The following AGAP3 variants were observed in gnomAD, a reference collection of about 807,000 sequenced individuals.
The protein encoded by AGAP3 is ArfGAP with GTPase domain, ankyrin repeat and PH domain 3.
A neutral mutation model predicts 96.9 loss-of-function variants in AGAP3; 24 were observed. The observed-to-expected ratio is 0.25, with a 90% CI of 0.18 to 0.35. The LOEUF (loss-of-function observed/expected upper bound fraction) is 0.35, where lower values mean the gene tolerates loss of function less well. AGAP3 is among the 10% of genes least tolerant of loss of function. AGAP3 has a pLI of 1.00. For missense variants in AGAP3, 876 were observed against 1,254.2 expected (o/e 0.70, Z 4.55); for synonymous variants, 563 against 536.1 (o/e 1.05, Z -0.69).
intron 10 of AGAP3, among the ~76,000 whole-genome samples, chr7:151,128,970 G>A (rs1203945671): frequency 6.6e-6 from 1 of 152,212 alleles, no homozygotes; most frequent in Non-Finnish European, 1.5e-5. Flanking sequence ...CAGGGATGCC[G>A]ATGTTGCCCA....
chr7:151,094,730 G>A (rs1798530591), intron 1 of AGAP3, among the ~76,000 whole-genome samples: 1 of 151,826 alleles, frequency 6.6e-6, no homozygotes, highest in Non-Finnish European at 1.5e-5. Context: ...GCCCAGGCTG[G>A]CTGTAAACTC....
At chr7:151,107,069 G>C (rs1289501041) in intron 1 of AGAP3, among the ~76,000 whole-genome samples, 6 of 152,108 alleles carry the variant, frequency 3.9e-5, no homozygotes, top group Non-Finnish European at 5.9e-5. Context: ...CAGCACTTTG[G>C]GGGGCCAAGG....
chr7:151,122,083 G>A (rs938117154), intron 8 of AGAP3, among the ~76,000 whole-genome samples: 2 of 152,182 alleles, frequency 1.3e-5, no homozygotes, highest in Admixed American at 6.5e-5. Context: ...TCTGGTGGTC[G>A]GGGCCTCTTG....
At position 151,096,580 on chromosome 7, in the gene AGAP3, C is replaced by T. The variant is rs964011497; in HGVS notation, c.331+9508C>T. ...CTCTGCCTCCCAGGTTCACGCCATT[C>T]TCCTGCCACAGCCTCCCGAGTAGCT... is the stretch of plus-strand genomic sequence containing the variant. On this transcript the variant is annotated intron_variant, in intron 1 of 17. Coordinates refer to ENST00000397238, the MANE Select transcript of AGAP3 (RefSeq NM_031946.7). The surrounding 1 kb of genome is among the most constrained non-coding windows in gnomAD (Gnocchi z 4.4). Among the ~76,000 whole-genome samples the T allele has an allele frequency of 2.6e-5, 4 of 151,570 alleles. No homozygotes were observed. Among genetic ancestry groups the T allele is most frequent in the Non-Finnish European group, 5.9e-5 (4 of 67,962 alleles).
chr7:151,134,344 C>T (rs41273644), intron 10 of AGAP3, 56 bp from the exon 11 acceptor site: 107,422 of 1,595,672 alleles, frequency 0.067, 4,223 homozygotes, highest in Non-Finnish European at 0.078. Flanking sequence ...CAAGGCTCAA[C>T]GCTGGAGTGA....
chr7:151,086,315 C>T (rs535739189), upstream of AGAP3, among the ~76,000 whole-genome samples: 12 of 144,896 alleles, frequency 8.3e-5, no homozygotes, highest in African/African-American at 2.8e-4. Flanking sequence ...GCTGCAGAGC[C>T]AGCGAGCGAG....
chr7:151,139,812 TG>T lies in AGAP3; in HGVS notation c.1667-164del. 1.8e-6 allele frequency: 1 copy of T among 543,878 alleles called. No homozygotes were observed. The highest frequency in any genetic ancestry group is 2.9e-6 in the Non-Finnish European group (1 of 347,544). 33.7% of individuals were successfully genotyped at this position (543,878 alleles called of 1,614,324 possible). On this transcript the variant is annotated intron_variant, in intron 12 of 17. Transcript: ENST00000397238. This position sits in a 1 kb window ranked among gnomAD's most constrained non-coding sequence, Gnocchi z 4.9. The stretch of plus-strand genomic sequence containing the variant: ...CTCCAAGGCTGGGGAGCTTTGGGAC[TG>T]GGAAGCCCAGGCAGACCTCGCCTAG...
At chr7:151,088,199 T>C (rs537464099) in intron 1 of AGAP3, among the ~76,000 whole-genome samples, 1 of 152,358 alleles carries the variant, frequency 6.6e-6, no homozygotes, top group East Asian at 1.9e-4. Context: ...CCTCCCTTTC[T>C]GCTTTCAGAG....
intron 11 of AGAP3, chr7:151,137,814 A>G (rs1800659936): frequency 2.7e-6 from 1 of 366,556 alleles, no homozygotes. Flanking sequence ...GGGGCCCCTC[A>G]AGGAGCACTG....
chr7:151,099,642 T>C (rs1421603017), intron 1 of AGAP3, among the ~76,000 whole-genome samples: 1 of 152,226 alleles, frequency 6.6e-6, no homozygotes, highest in East Asian at 1.9e-4. Flanking sequence ...ATGAAGTGCA[T>C]GTGGGCCCGG....
intron 9 of AGAP3, 84 bp from the exon 10 acceptor site, chr7:151,128,496 C>A: frequency 8.9e-7 from 1 of 1,118,520 alleles, no homozygotes; most frequent in Non-Finnish European, 1.3e-6. Flanking sequence ...GGGGGGAGGG[C>A]ATTGCCTGAC....
chr7:151,104,282 T>G (rs1798951904), intron 1 of AGAP3, among the ~76,000 whole-genome samples: 1 of 152,218 alleles, frequency 6.6e-6, no homozygotes, highest in South Asian at 2.1e-4. Context: ...GTCGCCCTTG[T>G]GTCATGGATT....
intron 9 of AGAP3, among the ~76,000 whole-genome samples, chr7:151,126,773 C>T (rs1233369678): frequency 6.6e-6 from 1 of 152,218 alleles, no homozygotes; most frequent in Non-Finnish European, 1.5e-5. Context: ...AAGACTCCTT[C>T]GCAGACCAAG....
chr7:151,141,721 G>C lies in AGAP3; in HGVS notation c.1805-177G>C, dbSNP rs377749846. The C allele has an allele frequency of 1.4e-6, 1 of 698,778 alleles. No homozygotes were observed. Among genetic ancestry groups the C allele is most frequent in the African/African-American group, 1.8e-5 (1 of 56,142 alleles). The allele number at this position is 698,778 out of a possible 1,614,324, so 43.3% of individuals were successfully genotyped here. On this transcript the variant is annotated intron_variant, in intron 13 of 17. Transcript: ENST00000397238. This position sits in a 1 kb window ranked among gnomAD's most constrained non-coding sequence, Gnocchi z 4.2. Reference sequence around the variant, plus strand: ...CTGGGAGCTCACACTAGTCTTGCAGGTTTACTCTGGCCTCCCCCTGCAAGC... The same window carrying C: ...CTGGGAGCTCACACTAGTCTTGCAGCTTTACTCTGGCCTCCCCCTGCAAGC...
In AGAP3 at chr7:151,139,778, A is replaced by G; in HGVS notation, c.1667-201A>G. ...CCTAAGTTTCCTATTCTCTTTCCAC[A>G]TTTTCCTCCTCCAAGGCTGGGGAGC... is the stretch of plus-strand genomic sequence containing the variant. On this transcript the variant is annotated intron_variant, in intron 12 of 17. Coordinates refer to ENST00000397238, the MANE Select transcript of AGAP3 (RefSeq NM_031946.7). This position sits in a 1 kb window ranked among gnomAD's most constrained non-coding sequence, Gnocchi z 4.9. 1 of 430,042 alleles carries G rather than the reference A, an allele frequency of 2.3e-6. No individual in the cohort carries two copies. Among genetic ancestry groups the G allele is most frequent in the Non-Finnish European group, 4.0e-6 (1 of 251,010 alleles). The allele number at this position is 430,042 out of a possible 1,614,324, so 26.6% of individuals were successfully genotyped here.
chr7:151,115,655 C>G, intron 1 of AGAP3: 1 of 1,157,996 alleles, frequency 8.6e-7, no homozygotes. Flanking sequence ...AGGGGGCGGG[C>G]CTGGGGGGCG....
chr7:151,123,876 C>T lies in AGAP3; in HGVS notation c.1211C>T (p.Pro404Leu), dbSNP rs754604766. 1 of 1,608,472 alleles carries T rather than the reference C, an allele frequency of 6.2e-7. No homozygotes were observed. Among genetic ancestry groups the T allele is most frequent in the South Asian group, 1.1e-5 (1 of 91,068 alleles). Residue 404 changes from proline to leucine, a missense_variant, in exon 9 of 18, where the codon CCC becomes CTC. Pro to Leu is a moderately conservative substitution (Grantham distance 98). Transcript: ENST00000397238. ...VDSIGSGRAI[P>L]IKQGILLKRS... ...AGCATCGGGAGCGGCCGCGCCATCC[C>T]CATCAAGCAGGTCAGCGCCTCCCTT...
Position 151,118,501 on chromosome 7 carries a change from G to A in AGAP3, c.842-4G>A. ...GGTATAATTGACTCTGCTGTCCCCT[G>A]CAGTGGCCCAGAAGGTAGTGGCCTT... On this transcript the variant is annotated splice_polypyrimidine_tract_variant and splice_region_variant and intron_variant, in intron 6 of 17. Transcript: ENST00000397238. This position sits in a 1 kb window ranked among gnomAD's most constrained non-coding sequence, Gnocchi z 6.1. 1 of 1,614,208 alleles carries A rather than the reference G, an allele frequency of 6.2e-7. No individual in the cohort carries two copies. The highest frequency in any genetic ancestry group is 8.5e-7 in the Non-Finnish European group (1 of 1,180,034).
chr7:151,124,071 C>T (rs1465529046), intron 9 of AGAP3, among the ~76,000 whole-genome samples, 185 bp downstream of exon 9: 5 of 152,216 alleles, frequency 3.3e-5, no homozygotes, highest in African/African-American at 4.8e-5. Context: ...CTCTGCGCCG[C>T]CACCTTCAGG....
Sources: gnomAD v4.1 joint callset for allele counts (sites outside exome capture counted in the v4.1 genomes callset) on GRCh38, gnomAD v4.1.1 for gene constraint, Gnocchi (gnomAD v3.1) non-coding constraint, MANE v1.5 for transcripts, NCBI Gene and HGNC (gene_info 2026-07-23, HGNC 2026-07-21) for gene names.